The following FBXO42 variants were observed in gnomAD, a reference collection of about 807,000 sequenced individuals.
FBXO42 encodes the protein F-box protein 42, also known as F-box only protein 42.
Under a neutral mutation model 71.7 loss-of-function variants are expected in FBXO42, and 12 were observed. The observed-to-expected ratio is 0.17, with a 90% CI of 0.11 to 0.27. The LOEUF (loss-of-function observed/expected upper bound fraction) is 0.27, where lower values mean the gene tolerates loss of function less well. FBXO42 is among the 10% of genes least tolerant of loss of function. The pLI, the probability that FBXO42 is intolerant of heterozygous loss-of-function variation, is 1.00. For synonymous variants in FBXO42, 325 were observed against 327.5 expected (o/e 0.99, Z 0.08); for missense variants, 707 against 911.9 (o/e 0.78, Z 2.89).
At chr1:16,352,045 C>A (rs2082706918) in intron 1 of FBXO42, among the ~76,000 whole-genome samples, 1 of 152,138 alleles carries the variant, frequency 6.6e-6, no homozygotes, top group Admixed American at 6.6e-5. Context: ...CGCTCCCAAC[C>A]CAAGGGCTGG....
intron 2 of FBXO42, 28 bp downstream of exon 2, chr1:16,315,137 CAATA>C (rs2082351359): frequency 1.3e-6 from 2 of 1,552,966 alleles, no homozygotes; most frequent in Non-Finnish European, 8.7e-7. Flanking sequence ...AATTTGAAAT[CAATA>C]AATAAACCTT....
chr1:16,275,534 G>A (rs1409563127), intron 4 of FBXO42, among the ~76,000 whole-genome samples: 3 of 152,060 alleles, frequency 2.0e-5, no homozygotes, highest in South Asian at 2.1e-4. Flanking sequence ...CAGGAGGATC[G>A]CTTGAGCCCA....
intron 1 of FBXO42, among the ~76,000 whole-genome samples, chr1:16,337,847 G>C (rs1173782879): frequency 8.9e-6 from 1 of 112,912 alleles, no homozygotes; most frequent in African/African-American, 3.4e-5. Flanking sequence ...TCGCGCCACT[G>C]TACTCCAGCC....
intron 2 of FBXO42, among the ~76,000 whole-genome samples, chr1:16,314,410 G>A (rs1022600584): frequency 3.9e-5 from 6 of 152,178 alleles, no homozygotes; most frequent in African/African-American, 1.4e-4. Context: ...CAGATCGCCT[G>A]AACGTGAATC....
chr1:16,251,087 A>T lies in FBXO42; in HGVS notation c.1737T>A (p.Pro579=). ...KGPSASAALS[P]PLGSSPGSPG... ...GAGAGCCTGGAGAAGACCCAAGAGGAGGACTTAGTGCTGCAGAGGCCGAGG... is the reference window on the plus strand; with the variant it reads ...GAGAGCCTGGAGAAGACCCAAGAGGTGGACTTAGTGCTGCAGAGGCCGAGG... The change falls in exon 10 of 10, where the codon CCT becomes CCA. Residue 579 remains proline, a synonymous_variant. Transcript: ENST00000375592. The surrounding 1 kb of genome is among the most constrained non-coding windows in gnomAD (Gnocchi z 4.5). The T allele has an allele frequency of 5.0e-6, 8 of 1,614,154 alleles. No homozygotes were observed. Among genetic ancestry groups the T allele is most frequent in the Non-Finnish European group, 6.8e-6 (8 of 1,180,044 alleles).
intron 1 of FBXO42, among the ~76,000 whole-genome samples, chr1:16,345,819 G>A (rs375376506): frequency 2.1e-5 from 3 of 144,540 alleles, no homozygotes; most frequent in Admixed American, 7.2e-5. Flanking sequence ...CTGCACTCCC[G>A]CCTGGGCGAC....
chr1:16,257,787 T>C (rs766513176), intron 4 of FBXO42, among the ~76,000 whole-genome samples: 8 of 151,762 alleles, frequency 5.3e-5, no homozygotes, highest in Non-Finnish European at 1.2e-4. Context: ...TTCAAGTGAT[T>C]TTCCTGCCTT....
At chr1:16,270,737 T>A (rs2081833171) in intron 4 of FBXO42, among the ~76,000 whole-genome samples, 1 of 116,558 alleles carries the variant, frequency 8.6e-6, no homozygotes, top group Non-Finnish European at 1.8e-5. Flanking sequence ...CCAAATCCCT[T>A]ACTTACCATG....
Position 16,305,703 on chromosome 1 carries a change from G to A in FBXO42, c.367+100C>T. 4 of 993,696 alleles carry A rather than the reference G, an allele frequency of 4.0e-6. No homozygotes were observed. The South Asian group carries it at 5.3e-5, about 13-fold the overall frequency. 61.6% of individuals were successfully genotyped at this position (993,696 alleles called of 1,614,324 possible). ...CACTCCAGCTTGGGTGATAGAGTGA[G>A]ACCTTGTCTCAAAAACAAACAAAAA... On this transcript the variant is annotated intron_variant, in intron 3 of 9. Transcript: ENST00000375592.
chr1:16,300,231 C>A (rs1235442320), intron 3 of FBXO42, among the ~76,000 whole-genome samples: 1 of 152,170 alleles, frequency 6.6e-6, no homozygotes, highest in Non-Finnish European at 1.5e-5. Context: ...ACTGGGCTAA[C>A]AAATAATACT....
chr1:16,316,153 G>A (rs1322448187), intron 1 of FBXO42, among the ~76,000 whole-genome samples: 2 of 109,750 alleles, frequency 1.8e-5, no homozygotes, highest in African/African-American at 3.4e-5. Context: ...TGGGCAACAA[G>A]AGCAAACCTC....
intron 4 of FBXO42, among the ~76,000 whole-genome samples, chr1:16,262,049 A>C (rs1174530269): frequency 6.6e-6 from 1 of 152,192 alleles, no homozygotes; most frequent in African/African-American, 2.4e-5. Flanking sequence ...GAGTGCCCAT[A>C]TAATATTTGG....
chr1:16,259,538 C>T (rs12748713), intron 4 of FBXO42, among the ~76,000 whole-genome samples: 15,659 of 152,108 alleles, frequency 0.1, 916 homozygotes, highest in Non-Finnish European at 0.13. Flanking sequence ...CCAAGGCAGG[C>T]AGATCACTTA....
At chr1:16,262,340 A>G (rs1289121184) in intron 4 of FBXO42, among the ~76,000 whole-genome samples, 1 of 152,120 alleles carries the variant, frequency 6.6e-6, no homozygotes, top group Non-Finnish European at 1.5e-5. Flanking sequence ...CATACTTTGA[A>G]TTTGTTTAAA....
chr1:16,350,206 T>C (rs1158139724), intron 1 of FBXO42, among the ~76,000 whole-genome samples: 2 of 152,132 alleles, frequency 1.3e-5, no homozygotes, highest in African/African-American at 2.4e-5. Flanking sequence ...ATGTCATGGA[T>C]GTCATGAAGT....
chr1:16,278,023 T>C (rs1341914417), intron 4 of FBXO42, among the ~76,000 whole-genome samples: 18 of 148,014 alleles, frequency 1.2e-4, no homozygotes, highest in African/African-American at 4.3e-4. Context: ...GCCTGGGTGA[T>C]GGAGTGACAC....
intron 1 of FBXO42, among the ~76,000 whole-genome samples, chr1:16,337,909 A>C (rs906314620): frequency 2.1e-5 from 3 of 145,770 alleles, no homozygotes; most frequent in Non-Finnish European, 4.5e-5. Context: ...AAAAAAAAAA[A>C]AAAAAAAGAA....
In FBXO42 at chr1:16,249,489, A is replaced by G. The variant is rs976940448; in HGVS notation, c.*1181T>C. ...AAGGAAAAAAACATTTCTAAAAAGA[A>G]CTGTTATTGGAATTCCCTTCCAGAA... On this transcript the variant is annotated 3_prime_UTR_variant, in exon 10 of 10. Transcript: ENST00000375592. The G allele has an allele frequency of 6.6e-6, 1 of 152,234 alleles. No individual in the cohort carries two copies. The highest frequency in any genetic ancestry group is 2.4e-5 in the African/African-American group (1 of 41,466). 9.4% of individuals were successfully genotyped at this position (152,234 alleles called of 1,614,324 possible).
At chr1:16,331,776 C>T (rs2082503286) in intron 1 of FBXO42, among the ~76,000 whole-genome samples, 1 of 134,228 alleles carries the variant, frequency 7.5e-6, no homozygotes, top group Admixed American at 7.5e-5. Flanking sequence ...TGCAGCCAGG[C>T]GCGGTGGCTC....
Sources: gnomAD v4.1 joint callset for allele counts (sites outside exome capture counted in the v4.1 genomes callset) on GRCh38, gnomAD v4.1.1 for gene constraint, Gnocchi (gnomAD v3.1) non-coding constraint, MANE v1.5 for transcripts, NCBI Gene and HGNC (gene_info 2026-07-23, HGNC 2026-07-21) for gene names.